Variants in FER observed in about 807,000 individuals in gnomAD.
FER encodes the protein tyrosine-protein kinase Fer.
Under a neutral mutation model 111.0 loss-of-function variants are expected in FER, and 63 were observed. The observed-to-expected ratio is 0.57, with a 90% confidence interval of 0.46 to 0.70. FER has a LOEUF of 0.70. Among genes scored for constraint, FER ranks in the 30% least tolerant of loss-of-function variants. The pLI is 0.00. For synonymous variants in FER, 327 were observed against 313.9 expected, an observed-to-expected ratio of 1.04 and a Z score of -0.44; for missense variants, 914 against 954.0, an observed-to-expected ratio of 0.96 and a Z score of 0.55.
At chr5:108,986,004 A>T (rs1762529845) in intron 13 of FER, among the ~76,000 whole-genome samples, 1 of 152,214 alleles carries the variant, frequency 6.6e-6, no homozygotes. Context: ...TTCTTTAAGG[A>T]ATCTCCACAT....
chr5:108,937,742 G>A (rs559491397), intron 10 of FER, among the ~76,000 whole-genome samples: 2 of 151,812 alleles, frequency 1.3e-5, no homozygotes, highest in Non-Finnish European at 2.9e-5. Context: ...TGGAAAATGT[G>A]TCTGTTAGAT....
At chr5:108,874,417 T>G (rs576211719) in intron 8 of FER, among the ~76,000 whole-genome samples, 1 of 152,288 alleles carries the variant, frequency 6.6e-6, no homozygotes, top group South Asian at 2.1e-4. Context: ...CACATTTTAC[T>G]GAGATAAACT....
intron 17 of FER, among the ~76,000 whole-genome samples, chr5:109,117,021 C>T (rs993372545): frequency 6.6e-6 from 1 of 152,062 alleles, no homozygotes; most frequent in African/African-American, 2.4e-5. Context: ...ACAATTTGTC[C>T]AGGCTTTTAG....
intron 8 of FER, among the ~76,000 whole-genome samples, chr5:108,878,157 G>A (rs1017779702): frequency 6.6e-6 from 1 of 152,028 alleles, no homozygotes; most frequent in Middle Eastern, 3.4e-3. Flanking sequence ...TCTACCCGCC[G>A]CAGCCTCCCA....
At chr5:109,004,892 A>G (rs1379667781) in intron 13 of FER, among the ~76,000 whole-genome samples, 2 of 151,974 alleles carry the variant, frequency 1.3e-5, no homozygotes, top group African/African-American at 2.4e-5. Context: ...ATATTACCAA[A>G]TGGTTCAAAT....
chr5:109,044,420 A>G (rs1053044257), intron 14 of FER, among the ~76,000 whole-genome samples: 4 of 152,096 alleles, frequency 2.6e-5, no homozygotes, highest in Admixed American at 6.5e-5. Flanking sequence ...TGACCTCGTG[A>G]TCTGCCCACC....
chr5:109,170,798 T>C (rs1035113547), intron 17 of FER, among the ~76,000 whole-genome samples: 3 of 152,196 alleles, frequency 2.0e-5, no homozygotes, highest in Non-Finnish European at 2.9e-5. Context: ...ATTCATTAGC[T>C]GCTGACACCC....
intron 3 of FER, among the ~76,000 whole-genome samples, chr5:108,831,992 T>A (rs112481076): frequency 5.4e-4 from 82 of 152,192 alleles, no homozygotes; most frequent in African/African-American, 1.5e-3. Context: ...AAAGTATGTG[T>A]ATGTCAGGAA....
intron 2 of FER, among the ~76,000 whole-genome samples, chr5:108,778,550 G>A (rs1354332972): frequency 6.6e-6 from 1 of 152,154 alleles, no homozygotes; most frequent in Non-Finnish European, 1.5e-5. Flanking sequence ...GTGTCTCAAT[G>A]TTGTTTTAAT....
chr5:108,952,829 A>T (rs1190906976), intron 11 of FER, among the ~76,000 whole-genome samples: 5 of 152,058 alleles, frequency 3.3e-5, no homozygotes, highest in Admixed American at 6.6e-5. Context: ...TCAGTTGGAA[A>T]TAAATGCAAA....
intron 13 of FER, among the ~76,000 whole-genome samples, chr5:108,984,283 A>G (rs1474593149): frequency 6.6e-6 from 1 of 152,164 alleles, no homozygotes; most frequent in African/African-American, 2.4e-5. Flanking sequence ...TAGAAAAAGG[A>G]ATTGAGAATG....
At chr5:109,108,003 T>C (rs1430287918) in intron 17 of FER, among the ~76,000 whole-genome samples, 1 of 151,978 alleles carries the variant, frequency 6.6e-6, no homozygotes. Flanking sequence ...CAGAAAAGAG[T>C]GTGCAGGGTC....
intron 13 of FER, among the ~76,000 whole-genome samples, chr5:109,021,660 T>C (rs542042418): frequency 6.6e-6 from 1 of 152,080 alleles, no homozygotes; most frequent in East Asian, 1.9e-4. Context: ...AAACAACATA[T>C]ATCCCATCTC....
intron 16 of FER, among the ~76,000 whole-genome samples, chr5:109,086,082 T>C (rs772178922): frequency 3.3e-5 from 5 of 151,800 alleles, no homozygotes; most frequent in Admixed American, 6.6e-5. Context: ...CTTCTCCTTT[T>C]CTAAGAAAAT....
chr5:108,944,975 T>C (rs933405883), intron 10 of FER, among the ~76,000 whole-genome samples: 1 of 152,196 alleles, frequency 6.6e-6, no homozygotes, highest in Non-Finnish European at 1.5e-5. Context: ...TAGATAATTC[T>C]AATCCATTGG....
At chr5:109,105,506 A>C (rs1748800583) in intron 17 of FER, among the ~76,000 whole-genome samples, 1 of 152,200 alleles carries the variant, frequency 6.6e-6, no homozygotes, top group South Asian at 2.1e-4. Flanking sequence ...AAAATAAAAT[A>C]AAATGTTTTC....
At chr5:108,982,903 G>T (rs888599878) in intron 13 of FER, among the ~76,000 whole-genome samples, 2 of 151,720 alleles carry the variant, frequency 1.3e-5, no homozygotes, top group Non-Finnish European at 2.9e-5. Context: ...TCCATAAAAT[G>T]GTGATAATTT....
chr5:109,035,869 G>A (rs1239311645), intron 13 of FER, among the ~76,000 whole-genome samples: 2 of 152,146 alleles, frequency 1.3e-5, no homozygotes, highest in Non-Finnish European at 2.9e-5. Flanking sequence ...AAGTAATGAA[G>A]TATCGTCTTA....
At chr5:108,820,018 G>C (rs1255436462) in intron 3 of FER, 1 of 985,176 alleles carries the variant, frequency 1.0e-6, no homozygotes, top group Non-Finnish European at 1.2e-6. Flanking sequence ...TAACAGAACG[G>C]CTTGTCTAGG....
Sources: allele counts gnomAD v4.1 joint callset (sites outside exome capture counted in the v4.1 genomes callset), GRCh38; gene constraint gnomAD v4.1.1; transcripts MANE v1.5; gene names NCBI Gene and HGNC (gene_info 2026-07-23, HGNC 2026-07-21).